SH3GL2: variants seen among roughly 807,000 people sequenced by gnomAD.
SH3GL2 encodes endophilin-A1.
SH3GL2 carries 24 observed loss-of-function variants against 46.0 expected under a neutral mutation model. The ratio of observed to expected loss-of-function variants is 0.52; its 90% CI spans 0.38 to 0.73. The LOEUF (loss-of-function observed/expected upper bound fraction) is 0.73. SH3GL2 is among the 30% of genes least tolerant of loss of function. The pLI, the probability that SH3GL2 is intolerant of heterozygous loss-of-function variation, is 0.00. For synonymous variants in SH3GL2, 196 were observed against 147.1 expected (o/e 1.33, Z -2.40); for missense variants, 413 against 424.2 (o/e 0.97, Z 0.23).
chr9:17,664,194 G>A (rs79931287), intron 1 of SH3GL2, among the ~76,000 whole-genome samples: 16 of 152,210 alleles, frequency 1.1e-4, no homozygotes, highest in African/African-American at 3.9e-4. Context: ...TAAAAATCTC[G>A]AACTAAAACA....
chr9:17,737,838 A>G (rs1005723692), intron 1 of SH3GL2, among the ~76,000 whole-genome samples: 2 of 152,018 alleles, frequency 1.3e-5, no homozygotes, highest in Non-Finnish European at 2.9e-5. Context: ...TCCTGTGCAT[A>G]TGCCACATGT....
chr9:17,753,226 T>C (rs1049840847), intron 2 of SH3GL2, among the ~76,000 whole-genome samples: 7 of 152,240 alleles, frequency 4.6e-5, no homozygotes, highest in Admixed American at 6.5e-5. Flanking sequence ...GTATATCCAC[T>C]AATGGGATTG....
intron 6 of SH3GL2, chr9:17,790,440 C>T (rs1465891435): frequency 2.0e-6 from 2 of 983,586 alleles, no homozygotes; most frequent in African/African-American, 3.5e-5. Context: ...TGAACATATC[C>T]AGACTTTCCT....
intron 1 of SH3GL2, among the ~76,000 whole-genome samples, chr9:17,699,647 T>G (rs749515973): frequency 8.5e-5 from 13 of 152,216 alleles, no homozygotes; most frequent in Non-Finnish European, 1.8e-4. Context: ...CAGTAGTGCT[T>G]GCTTTTGATA....
chr9:17,640,403 A>C (rs10963178), intron 1 of SH3GL2, among the ~76,000 whole-genome samples: 8,722 of 151,496 alleles, frequency 0.058, 393 homozygotes, highest in African/African-American at 0.12. Context: ...CCTTTTATTT[A>C]TTTTTCCAAG....
intron 1 of SH3GL2, among the ~76,000 whole-genome samples, chr9:17,638,981 G>T (rs723941): frequency 0.16 from 24,869 of 152,154 alleles, 2,567 homozygotes; most frequent in South Asian, 0.28. Context: ...TATTAACCCT[G>T]GTTGTACTTT....
Position 17,579,211 on chromosome 9 carries a change from G to A in SH3GL2, c.-32G>A, listed in dbSNP as rs1588152752. 1.3e-6 allele frequency: 2 copies of A among 1,520,378 alleles called. No homozygotes were observed. The highest frequency in any genetic ancestry group is 1.8e-6 in the Non-Finnish European group (2 of 1,131,970). 94.2% of individuals were successfully genotyped at this position (1,520,378 alleles called of 1,614,324 possible). A position where few individuals can be genotyped will look rare whatever the true frequency, so the allele number is the denominator to read the frequency against. ...AGTCCCCCTCCGCCTCCTCCCTCCC[G>A]CACAGCAGCCGCCAGCGCGGCCTCC... On this transcript the variant is annotated 5_prime_UTR_variant, in exon 1 of 9. Transcript: ENST00000380607.
intron 1 of SH3GL2, among the ~76,000 whole-genome samples, chr9:17,624,661 A>G (rs1411879753): frequency 6.6e-6 from 1 of 152,174 alleles, no homozygotes; most frequent in Non-Finnish European, 1.5e-5. Flanking sequence ...TCCTGTGTCC[A>G]TGTGGCATGT....
At chr9:17,675,176 G>C (rs1820576205) in intron 1 of SH3GL2, among the ~76,000 whole-genome samples, 1 of 152,116 alleles carries the variant, frequency 6.6e-6, no homozygotes, top group African/African-American at 2.4e-5. Flanking sequence ...TCCTTCCTTA[G>C]TAGGTCACAT....
chr9:17,611,507 A>G (rs576444301), intron 1 of SH3GL2, among the ~76,000 whole-genome samples: 315 of 152,286 alleles, frequency 2.1e-3, no homozygotes, highest in Middle Eastern at 3.4e-3. Context: ...TTGACTTTCC[A>G]TGTCATCGCA....
chr9:17,607,191 C>T (rs1396567272), intron 1 of SH3GL2, among the ~76,000 whole-genome samples: 1 of 152,172 alleles, frequency 6.6e-6, no homozygotes, highest in Non-Finnish European at 1.5e-5. Context: ...AGTGTAATCA[C>T]ACAGACCTAG....
At chr9:17,774,951 A>G (rs1005874376) in intron 3 of SH3GL2, among the ~76,000 whole-genome samples, 3 of 152,062 alleles carry the variant, frequency 2.0e-5, no homozygotes, top group Non-Finnish European at 4.4e-5. Flanking sequence ...TACTGATTCA[A>G]TCTTCTTACT....
At chr9:17,730,843 C>T (rs1365638940) in intron 1 of SH3GL2, among the ~76,000 whole-genome samples, 2 of 152,058 alleles carry the variant, frequency 1.3e-5, no homozygotes, top group Non-Finnish European at 2.9e-5. Flanking sequence ...TTCACTTAGA[C>T]TTCAGAAAAT....
At chr9:17,713,581 G>T (rs558793882) in intron 1 of SH3GL2, among the ~76,000 whole-genome samples, 1 of 151,416 alleles carries the variant, frequency 6.6e-6, no homozygotes, top group East Asian at 1.9e-4. Context: ...CAAATTCCAT[G>T]TTGTATTTTC....
intron 3 of SH3GL2, among the ~76,000 whole-genome samples, chr9:17,785,772 T>C (rs73645329): frequency 2.0e-5 from 3 of 152,150 alleles, no homozygotes; most frequent in Admixed American, 1.3e-4. Context: ...TCTCTAGTTA[T>C]GTGCTGGAGA....
intron 1 of SH3GL2, among the ~76,000 whole-genome samples, chr9:17,713,446 T>G (rs1327945545): frequency 6.6e-6 from 1 of 151,228 alleles, no homozygotes; most frequent in African/African-American, 2.4e-5. Flanking sequence ...TTCTGCTTGC[T>G]TTGGTTTAAT....
At chr9:17,744,610 C>A (rs974974840) in intron 1 of SH3GL2, among the ~76,000 whole-genome samples, 1 of 152,148 alleles carries the variant, frequency 6.6e-6, no homozygotes, top group Admixed American at 6.5e-5. Flanking sequence ...TCAAGCGATC[C>A]TCCTGCCTCA....
intron 1 of SH3GL2, among the ~76,000 whole-genome samples, chr9:17,708,047 T>C (rs1272125430): frequency 6.6e-6 from 1 of 152,066 alleles, no homozygotes; most frequent in East Asian, 1.9e-4. Context: ...CAAGTCCTTA[T>C]CTCTCAGTGT....
At chr9:17,653,596 A>G (rs1467487524) in intron 1 of SH3GL2, among the ~76,000 whole-genome samples, 2 of 152,114 alleles carry the variant, frequency 1.3e-5, no homozygotes, top group South Asian at 2.1e-4. Context: ...TGTGGTTGGA[A>G]TGTGTCCCTT....
Sources: allele counts gnomAD v4.1 joint callset (sites outside exome capture counted in the v4.1 genomes callset), GRCh38; gene constraint gnomAD v4.1.1; transcripts MANE v1.5; gene names NCBI Gene and HGNC (gene_info 2026-07-23, HGNC 2026-07-21).